The following RAMP1 variants were observed in gnomAD, a reference collection of about 807,000 sequenced individuals.
RAMP1 encodes receptor activity modifying protein 1.
Under a neutral mutation model 8.2 loss-of-function variants are expected in RAMP1, and 7 were observed. The ratio of observed to expected loss-of-function variants is 0.85; its 90% CI spans 0.49 to 1.60. The LOEUF (loss-of-function observed/expected upper bound fraction) is 1.60, where lower values mean the gene tolerates loss of function less well. Ranked by LOEUF, RAMP1 falls within the 40% of genes most tolerant of loss-of-function variation. RAMP1 has a pLI of 0.00. For missense variants in RAMP1, 192 were observed against 202.4 expected, an observed-to-expected ratio of 0.95 and a Z score of 0.31; for synonymous variants, 92 against 84.7, an observed-to-expected ratio of 1.09 and a Z score of -0.47.
rs2062138905 is a variant in RAMP1 at position 237,862,096 on chromosome 2, T to C, written c.52+2369T>C. On this transcript the variant is annotated intron_variant, in intron 1 of 2. Transcript: ENST00000254661. This position sits in a 1 kb window ranked among gnomAD's most constrained non-coding sequence, Gnocchi z 4.0. ...TCAGTCACCTGTCCTAGGAAACGCATGCCTTCCTTGGCTGTCACGTGGGAG... is the reference window on the plus strand; with the variant it reads ...TCAGTCACCTGTCCTAGGAAACGCACGCCTTCCTTGGCTGTCACGTGGGAG... 6.6e-6 allele frequency among the ~76,000 whole-genome samples: 1 copy of C among 152,112 alleles called. No individual in the cohort carries two copies. Among genetic ancestry groups the C allele is most frequent in the African/African-American group, 2.4e-5 (1 of 41,412 alleles).
chr2:237,885,331 CGCCTGCCCCTGCCCGGAG>C (rs2062417238), intron 2 of RAMP1, among the ~76,000 whole-genome samples: 1 of 152,216 alleles, frequency 6.6e-6, no homozygotes, highest in Admixed American at 6.5e-5. Flanking sequence ...CCCTGCCCGC[CGCCTGCCCCTGCCCGGAG>C]GCCTGGCCCT....
At chr2:237,885,123 TAA>T (rs2062414058) in intron 2 of RAMP1, among the ~76,000 whole-genome samples, 1 of 152,320 alleles carries the variant, frequency 6.6e-6, no homozygotes, top group Non-Finnish European at 1.5e-5. Context: ...TGTCTCCTGC[TAA>T]AAGAGTCAAG....
chr2:237,902,462 C>T (rs1032874975), intron 2 of RAMP1, among the ~76,000 whole-genome samples: 17 of 151,130 alleles, frequency 1.1e-4, no homozygotes, highest in South Asian at 6.3e-4. Flanking sequence ...CAGAGGTCTC[C>T]GCAGAGGGGG....
chr2:237,893,832 G>A (rs1037999043), intron 2 of RAMP1, among the ~76,000 whole-genome samples: 66 of 152,154 alleles, frequency 4.3e-4, no homozygotes, highest in African/African-American at 1.9e-4. Flanking sequence ...CCAGCTACTC[G>A]GAGGCTGAGG....
chr2:237,874,868 G>A (rs962171550), intron 1 of RAMP1, among the ~76,000 whole-genome samples: 1 of 151,332 alleles, frequency 6.6e-6, no homozygotes, highest in Non-Finnish European at 1.5e-5. Context: ...CTGAGGAAAT[G>A]GGCTGGGGGA....
chr2:237,905,597 C>T (rs979513469), intron 2 of RAMP1, among the ~76,000 whole-genome samples: 6 of 152,220 alleles, frequency 3.9e-5, no homozygotes, highest in African/African-American at 7.2e-5. Context: ...CACAGCTCCG[C>T]TCCTCAGAGG....
Position 237,911,647 on chromosome 2 carries a change from G to T in RAMP1, c.311G>T (p.Cys104Phe), listed in dbSNP as rs1046904067. The T allele has an allele frequency of 6.2e-7, 1 of 1,614,134 alleles. No individual in the cohort carries two copies. Residue 104 changes from cysteine (C) to phenylalanine (F), a missense_variant, in exon 3 of 3, where the codon TGC becomes TTC. By Grantham distance (205) the Cys-to-Phe change is radical (BLOSUM62 -2). Coordinates refer to ENST00000254661, the MANE Select transcript of RAMP1 (RefSeq NM_005855.4). The part of the protein sequence containing the change: ...LAVHGRYFRS[C>F]PISGRAVRDP... The stretch of plus-strand genomic sequence containing the variant: ...GTGCATGGCCGCTACTTCAGGAGCT[G>T]CCCCATCTCAGGCAGGGCCGTGCGG...
intron 1 of RAMP1, among the ~76,000 whole-genome samples, chr2:237,876,740 T>C (rs997909330): frequency 6.6e-6 from 1 of 152,116 alleles, no homozygotes; most frequent in African/African-American, 2.4e-5. Context: ...ACTGTTGCTC[T>C]GGTGTATGGC....
chr2:237,877,978 G>C lies in RAMP1; in HGVS notation c.191+616G>C. The C allele has an allele frequency of 1.0e-6, 1 of 985,452 alleles. No individual in the cohort carries two copies. Among genetic ancestry groups the C allele is most frequent in the Non-Finnish European group, 1.2e-6 (1 of 829,910 alleles). 61.0% of individuals were successfully genotyped at this position (985,452 alleles called of 1,614,324 possible). A position where few individuals can be genotyped will look rare whatever the true frequency, so the allele number is the denominator to read the frequency against. ...CTGGGCCCCCATCAGCAGGCCGGGG[G>C]GTTCTCCCCAGCAGGCCCAGGCTCC... On this transcript the variant is annotated intron_variant, in intron 2 of 2. Coordinates refer to ENST00000254661, the MANE Select transcript of RAMP1 (RefSeq NM_005855.4). This position sits in a 1 kb window ranked among gnomAD's most constrained non-coding sequence, Gnocchi z 4.4.
At position 237,877,336 on chromosome 2, in the gene RAMP1, G is replaced by C. The variant is rs148658989; in HGVS notation, c.165G>C (p.Leu55=). Residue 55 remains leucine (L), a synonymous_variant, in exon 2 of 3, where the codon CTG becomes CTC. Coordinates refer to ENST00000254661, the MANE Select transcript of RAMP1 (RefSeq NM_005855.4). This position sits in a 1 kb window ranked among gnomAD's most constrained non-coding sequence, Gnocchi z 4.4. Reference sequence around the variant, plus strand: ...ACATGGAGGCCGTCGGGGAGACGCTGTGGTGTGACTGGGGCAGGACCATCA... The same window carrying C: ...ACATGGAGGCCGTCGGGGAGACGCTCTGGTGTGACTGGGGCAGGACCATCA... ...QVDMEAVGET[L]WCDWGRTIRS... 4.3e-6 allele frequency: 7 copies of C among 1,613,668 alleles called. No homozygotes were observed. The highest frequency in any genetic ancestry group is 5.9e-6 in the Non-Finnish European group (7 of 1,179,890).
At chr2:237,891,605 T>C (rs975082194) in intron 2 of RAMP1, among the ~76,000 whole-genome samples, 2 of 152,240 alleles carry the variant, frequency 1.3e-5, no homozygotes, top group African/African-American at 4.8e-5. Flanking sequence ...CCTGAATCAT[T>C]TCTGCTTTTG....
intron 2 of RAMP1, among the ~76,000 whole-genome samples, chr2:237,891,745 C>G (rs552911605): frequency 6.6e-6 from 1 of 152,148 alleles, no homozygotes; most frequent in East Asian, 1.9e-4. Flanking sequence ...TTAATGTTAC[C>G]TTGTTTTGAT....
chr2:237,870,918 C>G (rs761114431), intron 1 of RAMP1, among the ~76,000 whole-genome samples: 8 of 152,146 alleles, frequency 5.3e-5, no homozygotes, highest in Non-Finnish European at 1.0e-4. Flanking sequence ...GCAGGCACTT[C>G]GTGGGGGTAG....
intron 2 of RAMP1, among the ~76,000 whole-genome samples, chr2:237,910,666 CAG>C (rs145917859): frequency 0.14 from 21,262 of 151,688 alleles, 1,882 homozygotes; most frequent in Middle Eastern, 0.23. Context: ...CAGTCACACA[CAG>C]GGAATAACAG....
At chr2:237,872,054 C>T (rs1164601907) in intron 1 of RAMP1, among the ~76,000 whole-genome samples, 1 of 152,226 alleles carries the variant, frequency 6.6e-6, no homozygotes, top group Non-Finnish European at 1.5e-5. Context: ...TAGTTTACTA[C>T]AGTCACGACC....
At chr2:237,859,362 C>T (rs2062108784), upstream of RAMP1, among the ~76,000 whole-genome samples, 1 of 152,184 alleles carries the variant, frequency 6.6e-6, no homozygotes, top group African/African-American at 2.4e-5. Flanking sequence ...AGGAGACCCT[C>T]CCTAGTTTAA....
chr2:237,874,616 G>A, intron 1 of RAMP1: 2 of 969,510 alleles, frequency 2.1e-6, no homozygotes, highest in Non-Finnish European at 2.5e-6. Context: ...AGTGGTTCAT[G>A]ACCCTGACAC....
At chr2:237,860,469 C>G (rs2062121780) in intron 1 of RAMP1, among the ~76,000 whole-genome samples, 1 of 152,188 alleles carries the variant, frequency 6.6e-6, no homozygotes, top group Non-Finnish European at 1.5e-5. Flanking sequence ...AGCCTCATGG[C>G]CACAGGAACT....
At chr2:237,906,030 A>T (rs1012251709) in intron 2 of RAMP1, among the ~76,000 whole-genome samples, 1 of 137,074 alleles carries the variant, frequency 7.3e-6, no homozygotes, top group African/African-American at 2.8e-5. Context: ...AAAAAAAAAA[A>T]GGCAGCATTC....
Sources: allele counts gnomAD v4.1 joint callset (sites outside exome capture counted in the v4.1 genomes callset), GRCh38; gene constraint gnomAD v4.1.1; non-coding constraint Gnocchi (gnomAD v3.1); transcripts MANE v1.5; gene names NCBI Gene and HGNC (gene_info 2026-07-23, HGNC 2026-07-21).